The following PDE3B variants were observed in gnomAD, a reference collection of about 807,000 sequenced individuals.
PDE3B encodes the protein phosphodiesterase 3B, also known as cGMP-inhibited 3',5'-cyclic phosphodiesterase 3B.
Under a neutral mutation model 116.8 loss-of-function variants are expected in PDE3B, and 66 were observed. The ratio of observed to expected loss-of-function variants is 0.56; its 90% CI spans 0.46 to 0.69. PDE3B has a LOEUF of 0.69. PDE3B is among the 30% of genes least tolerant of loss of function. The pLI is 0.00. For missense variants in PDE3B, 1,384 were observed against 1,368.1 expected, an observed-to-expected ratio of 1.01 and a Z score of -0.18; for synonymous variants, 595 against 533.6, an observed-to-expected ratio of 1.12 and a Z score of -1.59.
intron 1 of PDE3B, among the ~76,000 whole-genome samples, chr11:14,763,982 A>G (rs186367314): frequency 6.6e-6 from 1 of 152,272 alleles, no homozygotes; most frequent in African/African-American, 2.4e-5. Flanking sequence ...AAGTGGTTCA[A>G]ATAAAAACAC....
chr11:14,826,490 T>C (rs1292731299), intron 7 of PDE3B, among the ~76,000 whole-genome samples: 1 of 152,042 alleles, frequency 6.6e-6, no homozygotes, highest in Admixed American at 6.6e-5. Flanking sequence ...TATGAACACC[T>C]CTTTACACAC....
chr11:14,752,571 TA>T (rs1857083258), intron 1 of PDE3B, among the ~76,000 whole-genome samples: 1 of 152,176 alleles, frequency 6.6e-6, no homozygotes, highest in Admixed American at 6.6e-5. Flanking sequence ...CTTCAAGTTT[TA>T]TGCTATGGAG....
At chr11:14,854,674 G>A (rs1416918922) in intron 12 of PDE3B, among the ~76,000 whole-genome samples, 5 of 152,066 alleles carry the variant, frequency 3.3e-5, no homozygotes, top group Admixed American at 2.0e-4. Flanking sequence ...ATGCCACCAC[G>A]CCCAGCTAAT....
downstream of PDE3B, among the ~76,000 whole-genome samples, chr11:14,873,160 A>T (rs890212914): frequency 1.3e-5 from 2 of 152,304 alleles, no homozygotes; most frequent in East Asian, 3.9e-4. Context: ...TGTACAAAGA[A>T]GATGTAATCT....
intron 1 of PDE3B, among the ~76,000 whole-genome samples, chr11:14,645,854 A>G (rs1229726149): frequency 6.6e-6 from 1 of 152,182 alleles, no homozygotes; most frequent in African/African-American, 2.4e-5. Flanking sequence ...CCTGTTGTAC[A>G]TCACCAAGAA....
intron 1 of PDE3B, among the ~76,000 whole-genome samples, chr11:14,659,407 A>G (rs531084714): frequency 2.0e-5 from 3 of 152,326 alleles, no homozygotes; most frequent in Admixed American, 1.3e-4. Flanking sequence ...GGAGAACTTC[A>G]TTTTTAACAT....
At chr11:14,666,194 A>G (rs1422846692) in intron 1 of PDE3B, among the ~76,000 whole-genome samples, 15 of 145,156 alleles carry the variant, frequency 1.0e-4, no homozygotes, top group East Asian at 4.2e-4. Context: ...AGGATTCCCT[A>G]TTTAATAAAT....
At chr11:14,792,571 T>A (rs1371909095) in intron 4 of PDE3B, among the ~76,000 whole-genome samples, 1 of 152,188 alleles carries the variant, frequency 6.6e-6, no homozygotes, top group Non-Finnish European at 1.5e-5. Flanking sequence ...TAGTCCCCCA[T>A]TGAACAGCGA....
Position 14,859,117 on chromosome 11 carries a change from C to T in PDE3B, c.2595C>T (p.Arg865=). The T allele has an allele frequency of 6.2e-7, 1 of 1,613,546 alleles. No individual in the cohort carries two copies. The highest frequency in any genetic ancestry group is 8.5e-7 in the Non-Finnish European group (1 of 1,179,620). Residue 865 remains arginine, a synonymous_variant, in exon 13 of 16, where the codon CGC becomes CGT. Coordinates refer to ENST00000282096, the MANE Select transcript of PDE3B (RefSeq NM_000922.4). The part of the protein sequence containing the change: ...AASAWNLYLS[R]PEYNFLLHLD... The stretch of plus-strand genomic sequence containing the variant: ...CAGCTTGGAATCTATATCTTTCTCG[C>T]CCAGAATACAACTTCCTTCTTCATC...
intron 1 of PDE3B, among the ~76,000 whole-genome samples, chr11:14,658,380 G>A (rs1853779419): frequency 1.3e-5 from 2 of 151,568 alleles, no homozygotes; most frequent in African/African-American, 4.8e-5. Context: ...TTTTGAGATG[G>A]AGTCCTGCTC....
intron 15 of PDE3B, 65 bp downstream of exon 15, chr11:14,867,823 C>A (rs1565171947): frequency 2.1e-6 from 3 of 1,433,664 alleles, no homozygotes; most frequent in Non-Finnish European, 2.8e-6. Flanking sequence ...GTCTGAAAAT[C>A]TGAAATATGA....
chr11:14,674,117 C>T, intron 1 of PDE3B: 4 of 1,489,746 alleles, frequency 2.7e-6, no homozygotes, highest in East Asian at 2.3e-5. Flanking sequence ...AATGTTTCCT[C>T]ATTTTCAACA....
chr11:14,818,520 T>C lies in PDE3B; in HGVS notation c.1733+127T>C, dbSNP rs189940652. On this transcript the variant is annotated intron_variant, in intron 6 of 15. Transcript: ENST00000282096. ...ATGACCATAGTTTTTTTCGGTGTTATAATGAAATGACATTATTTTAAGATG... is the reference window on the plus strand; with the variant it reads ...ATGACCATAGTTTTTTTCGGTGTTACAATGAAATGACATTATTTTAAGATG... 6.7e-5 allele frequency: 42 copies of C among 629,338 alleles called. No homozygotes were observed. The East Asian group carries it at 1.1e-3, about 17-fold the overall frequency. The allele number at this position is 629,338 out of a possible 1,614,324, so 39.0% of individuals were successfully genotyped here. A position where few individuals can be genotyped will look rare whatever the true frequency, so the allele number is the denominator to read the frequency against.
intron 2 of PDE3B, chr11:14,776,012 G>T (rs2133902509): frequency 6.6e-6 from 1 of 152,348 alleles, no homozygotes; most frequent in South Asian, 2.1e-4. Flanking sequence ...AGGCAATCAA[G>T]TGAGAACTAC....
chr11:14,773,594 A>G (rs1158617808), intron 2 of PDE3B: 2 of 152,152 alleles, frequency 1.3e-5, no homozygotes, highest in East Asian at 1.9e-4. Context: ...TGGTGAAGCT[A>G]TCTCACCTTG....
At chr11:14,808,625 G>A (rs1859025423) in intron 5 of PDE3B, among the ~76,000 whole-genome samples, 1 of 152,136 alleles carries the variant, frequency 6.6e-6, no homozygotes, top group South Asian at 2.1e-4. Flanking sequence ...GCATGAGCTT[G>A]TATATGTAAA....
the PDE3B span, among the ~76,000 whole-genome samples, chr11:14,879,768 T>C: frequency 1.3e-5 from 2 of 152,166 alleles, no homozygotes; most frequent in African/African-American, 2.4e-5. Flanking sequence ...GGTAGCTCTA[T>C]TGTGAAAGAC....
intron 1 of PDE3B, among the ~76,000 whole-genome samples, chr11:14,665,994 A>G (rs1056197721): frequency 6.6e-6 from 1 of 152,212 alleles, no homozygotes; most frequent in Admixed American, 6.5e-5. Context: ...ACACCAAAAG[A>G]ACAAAGCTGG....
chr11:14,703,693 G>T (rs943223884), intron 1 of PDE3B, among the ~76,000 whole-genome samples: 3 of 151,676 alleles, frequency 2.0e-5, no homozygotes, highest in Admixed American at 6.6e-5. Context: ...TTTCCGTTAT[G>T]TGGAACAGTT....
Sources: gnomAD v4.1 joint callset for allele counts (sites outside exome capture counted in the v4.1 genomes callset) on GRCh38, gnomAD v4.1.1 for gene constraint, MANE v1.5 for transcripts, NCBI Gene and HGNC (gene_info 2026-07-23, HGNC 2026-07-21) for gene names.